Variants in KAZN observed in about 807,000 individuals in gnomAD.
KAZN encodes kazrin, periplakin interacting protein, also known as kazrin.
KAZN carries 40 observed loss-of-function variants against 87.4 expected under a neutral mutation model. The ratio of observed to expected loss-of-function variants is 0.46; its 90% CI spans 0.36 to 0.60. KAZN has a LOEUF of 0.60. KAZN is among the 20% of genes least tolerant of loss of function. The pLI, the probability that KAZN is intolerant of heterozygous loss-of-function variation, is 0.00. For synonymous variants in KAZN, 466 were observed against 458.3 expected, an observed-to-expected ratio of 1.02 and a Z score of -0.22; for missense variants, 898 against 1,073.9, an observed-to-expected ratio of 0.84 and a Z score of 2.29.
chr1:14,000,247 A>G (rs1639723900), intron 1 of KAZN, among the ~76,000 whole-genome samples: 1 of 152,212 alleles, frequency 6.6e-6, no homozygotes, highest in Non-Finnish European at 1.5e-5. Flanking sequence ...GCAACAAAAA[A>G]AGAAAACTTC....
intron 2 of KAZN, among the ~76,000 whole-genome samples, chr1:14,418,619 G>C (rs576658842): frequency 4.7e-4 from 72 of 152,286 alleles, no homozygotes; most frequent in African/African-American, 1.7e-3. Context: ...TTGTTTTATA[G>C]ACAATCTGAT....
chr1:15,045,022 T>A (rs1673332041), intron 4 of KAZN, among the ~76,000 whole-genome samples: 1 of 152,108 alleles, frequency 6.6e-6, no homozygotes, highest in African/African-American at 2.4e-5. Flanking sequence ...CCTTTGTGTG[T>A]GGGGACAGAG....
At chr1:14,166,545 C>T (rs1340596616) in intron 1 of KAZN, among the ~76,000 whole-genome samples, 1 of 152,090 alleles carries the variant, frequency 6.6e-6, no homozygotes, top group Non-Finnish European at 1.5e-5. Flanking sequence ...AGCATAAATC[C>T]TGGAACACAG....
chr1:13,949,483 A>G (rs1641267663), intron 1 of KAZN, among the ~76,000 whole-genome samples: 1 of 152,198 alleles, frequency 6.6e-6, no homozygotes, highest in Admixed American at 6.5e-5. Context: ...CTTATCAGAT[A>G]TTTAATAACC....
intron 2 of KAZN, among the ~76,000 whole-genome samples, chr1:14,416,510 G>A (rs78079001): frequency 2.0e-5 from 3 of 152,180 alleles, no homozygotes; most frequent in Non-Finnish European, 4.4e-5. Flanking sequence ...GCCAAGGCAG[G>A]CAGATCACCT....
intron 1 of KAZN, among the ~76,000 whole-genome samples, chr1:14,059,107 G>T (rs1224023147): frequency 6.6e-6 from 1 of 152,190 alleles, no homozygotes; most frequent in African/African-American, 2.4e-5. Context: ...TTTTAACCTG[G>T]TGTTATTAGT....
rs77843737 is a variant in KAZN at position 14,955,508 on chromosome 1, A to G, written c.227-5176A>G. Among the ~76,000 whole-genome samples the G allele has an allele frequency of 2.6e-4, 39 of 152,332 alleles. No homozygotes were observed. In the East Asian group the frequency reaches 6.4e-3, roughly 25 times the overall value. ...ATGCCCAGCTGGGGCAGATGCAGTTAGCAAGCTCCGATAAGCCTCTCTCTT... is the reference window on the plus strand; with the variant it reads ...ATGCCCAGCTGGGGCAGATGCAGTTGGCAAGCTCCGATAAGCCTCTCTCTT... On this transcript the variant is annotated intron_variant, in intron 1 of 14. Transcript: ENST00000376030.
At chr1:14,871,923 C>T (rs1652185531) in intron 1 of KAZN, among the ~76,000 whole-genome samples, 1 of 151,984 alleles carries the variant, frequency 6.6e-6, no homozygotes, top group African/African-American at 2.4e-5. Context: ...AGGAGGAAAT[C>T]AGGAGCTCAG....
chr1:15,082,469 A>G (rs112722339), intron 8 of KAZN, among the ~76,000 whole-genome samples: 3 of 152,336 alleles, frequency 2.0e-5, no homozygotes, highest in African/African-American at 7.2e-5. Context: ...GGCTGGGTAT[A>G]GACTCAAAAT....
intron 1 of KAZN, among the ~76,000 whole-genome samples, chr1:13,924,821 G>T (rs182085046): frequency 6.6e-6 from 1 of 152,274 alleles, no homozygotes; most frequent in East Asian, 1.9e-4. Context: ...ACCACCTTGG[G>T]CACATGTCGT....
In KAZN at chr1:15,006,482, A is replaced by G. The variant is rs549390609; in HGVS notation, c.419-28267A>G. Among the ~76,000 whole-genome samples, 15 of 152,310 alleles carry G rather than the reference A, an allele frequency of 9.8e-5. No individual in the cohort carries two copies. In the South Asian group the frequency reaches 1.4e-3, roughly 15 times the overall value. ...CGGGAAAAGGCAGGGTCTTTCTCCT[A>G]TCTTTCCCGTCATCATATTTTATCC... On this transcript the variant is annotated intron_variant, in intron 2 of 14. Transcript: ENST00000376030.
At position 14,151,479 on chromosome 1, in the gene KAZN, C is replaced by G. The variant is rs139098964; in HGVS notation, c.92-28956C>G. Among the ~76,000 whole-genome samples, 512 of 152,216 alleles carry G rather than the reference C, an allele frequency of 3.4e-3. 1 individual carries two copies. The highest frequency in any genetic ancestry group is 0.012 in the African/African-American group (482 of 41,544). Reference sequence around the variant, plus strand: ...TGCCTGTCAGGAATTGGCTATATTTCCCATATTGATGTTGTAATTAAGTTA... The same window carrying G: ...TGCCTGTCAGGAATTGGCTATATTTGCCATATTGATGTTGTAATTAAGTTA... On this transcript the variant is annotated intron_variant, in intron 1 of 16. Transcript: ENST00000636203.
intron 2 of KAZN, among the ~76,000 whole-genome samples, chr1:14,411,713 G>A (rs576651467): frequency 1.2e-4 from 19 of 152,216 alleles, no homozygotes; most frequent in Admixed American, 8.5e-4. Flanking sequence ...GGTACAGGAA[G>A]AAATATTAAG....
At chr1:14,588,277 T>C (rs1279589227) in intron 2 of KAZN, among the ~76,000 whole-genome samples, 1 of 152,210 alleles carries the variant, frequency 6.6e-6, no homozygotes, top group African/African-American at 2.4e-5. Context: ...TCTTCTTGGA[T>C]AGTTGAGACA....
chr1:14,333,936 C>T (rs939678373), intron 2 of KAZN, among the ~76,000 whole-genome samples: 7 of 152,124 alleles, frequency 4.6e-5, no homozygotes, highest in Non-Finnish European at 1.0e-4. Flanking sequence ...GGACTGAGGC[C>T]ATCACCCAGG....
intron 1 of KAZN, among the ~76,000 whole-genome samples, chr1:14,904,601 T>A (rs888666252): frequency 6.6e-6 from 1 of 152,208 alleles, no homozygotes; most frequent in African/African-American, 2.4e-5. Flanking sequence ...ACATGTCAGA[T>A]TCCCGACTAG....
chr1:13,964,385 C>T (rs1350206225), intron 1 of KAZN, among the ~76,000 whole-genome samples: 2 of 152,212 alleles, frequency 1.3e-5, no homozygotes, highest in African/African-American at 4.8e-5. Flanking sequence ...TGCTGCGTAA[C>T]AAATAGTCAC....
At chr1:14,504,532 C>T (rs377659544) in intron 2 of KAZN, among the ~76,000 whole-genome samples, 5 of 152,110 alleles carry the variant, frequency 3.3e-5, no homozygotes, top group Non-Finnish European at 5.9e-5. Context: ...AGGTGCAACA[C>T]GGAGTGGAAG....
intron 1 of KAZN, among the ~76,000 whole-genome samples, chr1:14,064,710 G>A (rs549505258): frequency 2.6e-5 from 4 of 152,350 alleles, no homozygotes; most frequent in Admixed American, 1.3e-4. Context: ...CAGAGGCCCT[G>A]CCTGGCAAAC....
Sources: allele counts gnomAD v4.1 joint callset (sites outside exome capture counted in the v4.1 genomes callset), GRCh38; gene constraint gnomAD v4.1.1; transcripts MANE v1.5; gene names NCBI Gene and HGNC (gene_info 2026-07-23, HGNC 2026-07-21).